NINJ2: variants seen among roughly 807,000 people sequenced by gnomAD.
The protein encoded by NINJ2 is ninjurin 2, also known as ninjurin-2.
A neutral mutation model predicts 11.7 loss-of-function variants in NINJ2; 12 were observed. The ratio of observed to expected loss-of-function variants is 1.02; its 90% CI spans 0.66 to 1.66. NINJ2 has a LOEUF of 1.66. Ranked by LOEUF, NINJ2 falls within the 40% of genes most tolerant of loss-of-function variation. NINJ2 has a pLI of 0.00. For missense variants in NINJ2, 187 were observed against 181.8 expected, an observed-to-expected ratio of 1.03 and a Z score of -0.16; for synonymous variants, 93 against 76.8, an observed-to-expected ratio of 1.21 and a Z score of -1.10.
At position 609,789 on chromosome 12, in the gene NINJ2, A is replaced by AAAAAAAAAAAAAAG. The variant is rs71439346; in HGVS notation, c.34-43612_34-43611insCTTTTTTTTTTTTT. Among the ~76,000 whole-genome samples, 689 of 116,444 alleles carry AAAAAAAAAAAAAAG rather than the reference A, an allele frequency of 5.9e-3. 61 individuals carry two copies. The highest frequency in any genetic ancestry group is 0.01 in the Admixed American group (110 of 10,654). The allele number at this position is 116,444 out of a possible 152,430, so 76.4% of individuals were successfully genotyped here. ...CTGCCTCAAAAAAAAAAAAAAAAAT[A>AAAAAAAAAAAAAAG]GGGAAAACAACAACAGCAGCAATAG... On this transcript the variant is annotated intron_variant, in intron 1 of 3. Coordinates refer to ENST00000305108, the MANE Select transcript of NINJ2 (RefSeq NM_016533.6).
intron 1 of NINJ2, among the ~76,000 whole-genome samples, chr12:611,242 T>TC (rs945980795): frequency 2.7e-5 from 3 of 112,530 alleles, no homozygotes; most frequent in African/African-American, 1.1e-4. Context: ...TTTCTTTCTT[T>TC]CTTTCTCTCT....
Position 585,034 on chromosome 12 carries a change from A to T in NINJ2, c.34-18856T>A, listed in dbSNP as rs1392011857. ...CTTGGGAGGCTGAGGCAGGAGAATC[A>T]CTTGAACCGGGGAGGCGGAGGTTGA... On this transcript the variant is annotated intron_variant, in intron 1 of 3. Transcript: ENST00000305108. This position sits in a 1 kb window ranked among gnomAD's most constrained non-coding sequence, Gnocchi z 4.1. Among the ~76,000 whole-genome samples the T allele has an allele frequency of 3.9e-5, 6 of 152,120 alleles. No individual in the cohort carries two copies. The highest frequency in any genetic ancestry group is 7.2e-5 in the African/African-American group (3 of 41,430).
chr12:582,394 A>T (rs112436081), intron 1 of NINJ2, among the ~76,000 whole-genome samples: 220 of 102,450 alleles, frequency 2.1e-3, no homozygotes, highest in East Asian at 3.2e-3. Flanking sequence ...GGCATGCTAG[A>T]GTGAATGAAT....
chr12:660,391 A>C (rs1937942455), intron 1 of NINJ2, among the ~76,000 whole-genome samples: 4 of 149,660 alleles, frequency 2.7e-5, no homozygotes, highest in African/African-American at 9.8e-5. Context: ...GAGTCTCAAA[A>C]GTGCAGTGGC....
At chr12:654,521 CAAAAAAAAA>C (rs72488352) in intron 1 of NINJ2, among the ~76,000 whole-genome samples, 2 of 98,608 alleles carry the variant, frequency 2.0e-5, no homozygotes, top group South Asian at 3.1e-4. Flanking sequence ...AACTCCGTCT[CAAAAAAAAA>C]AAAAAAAAAG....
intron 1 of NINJ2, among the ~76,000 whole-genome samples, chr12:659,217 A>G (rs1331582446): frequency 6.6e-6 from 1 of 151,968 alleles, no homozygotes; most frequent in African/African-American, 2.4e-5. Context: ...ATCTCGCTCT[A>G]CTTAACCTGA....
At chr12:592,018 G>A (rs1947723482) in intron 1 of NINJ2, among the ~76,000 whole-genome samples, 1 of 151,868 alleles carries the variant, frequency 6.6e-6, no homozygotes, top group South Asian at 2.1e-4. Context: ...CCGCCAGGCT[G>A]TAGCCAAACG....
intron 1 of NINJ2, among the ~76,000 whole-genome samples, chr12:637,361 G>C (rs1207035325): frequency 1.4e-5 from 2 of 140,198 alleles, no homozygotes; most frequent in East Asian, 4.3e-4. Flanking sequence ...AAAAAAGAAG[G>C]CTGGGCATGG....
chr12:589,116 T>C (rs1947684225), intron 1 of NINJ2, among the ~76,000 whole-genome samples: 1 of 152,206 alleles, frequency 6.6e-6, no homozygotes, highest in South Asian at 2.1e-4. Flanking sequence ...TTATTGATAA[T>C]GTCAAAAACT....
Position 628,143 on chromosome 12 carries a change from C to G in NINJ2, c.33+35185G>C, listed in dbSNP as rs572719222. ...GCCAGAGCCTGCAGGATCCCTGCAC[C>G]GCTTTACTGGATCCCCAGGTTGAGC... On this transcript the variant is annotated intron_variant, in intron 1 of 3. Transcript: ENST00000305108. The surrounding 1 kb of genome is among the most constrained non-coding windows in gnomAD (Gnocchi z 4.4). Among the ~76,000 whole-genome samples the G allele has an allele frequency of 6.6e-6, 1 of 152,162 alleles. No homozygotes were observed. Among genetic ancestry groups the G allele is most frequent in the Non-Finnish European group, 1.5e-5 (1 of 68,004 alleles).
intron 1 of NINJ2, chr12:610,445 AGGTCAGCCTGGTGGCTGAGAGGAAAAG>A: frequency 6.5e-7 from 1 of 1,535,302 alleles, no homozygotes; most frequent in South Asian, 1.2e-5. Flanking sequence ...ACGGAAAATG[AGGTCAGCCTGGTGGCTGAGAGGAAAAG>A]GGTCAGCGAG....
chr12:596,195 A>C (rs1947782999), intron 1 of NINJ2, among the ~76,000 whole-genome samples: 1 of 152,252 alleles, frequency 6.6e-6, no homozygotes. Flanking sequence ...GTTCACACAA[A>C]AATCTGCACA....
chr12:648,590 CAGAT>C (rs776769447), intron 1 of NINJ2, among the ~76,000 whole-genome samples: 5 of 152,176 alleles, frequency 3.3e-5, no homozygotes, highest in East Asian at 1.9e-4. Context: ...CCTGGGCTCT[CAGAT>C]AGAGGTCCAG....
chr12:644,667 C>G (rs1208745495), intron 1 of NINJ2: 2 of 152,040 alleles, frequency 1.3e-5, no homozygotes, highest in East Asian at 3.8e-4. Context: ...TCCTGAAGGT[C>G]CCAAGTATTT....
chr12:578,026 C>T (rs949888734), intron 1 of NINJ2, among the ~76,000 whole-genome samples: 1 of 152,204 alleles, frequency 6.6e-6, no homozygotes, highest in East Asian at 1.9e-4. Context: ...AGCCCGGCCC[C>T]ATACCCTGGG....
intron 1 of NINJ2, among the ~76,000 whole-genome samples, chr12:606,198 C>T (rs1410277469): frequency 6.6e-6 from 1 of 151,132 alleles, no homozygotes. Context: ...AAGGAATATT[C>T]GGAAACCAAA....
intron 1 of NINJ2, among the ~76,000 whole-genome samples, chr12:634,629 T>C (rs1456911600): frequency 6.6e-6 from 1 of 152,100 alleles, no homozygotes; most frequent in Non-Finnish European, 1.5e-5. Context: ...CAATCCTGAC[T>C]TGCATCCTCT....
chr12:657,219 G>A (rs901345143), intron 1 of NINJ2, among the ~76,000 whole-genome samples: 1 of 152,184 alleles, frequency 6.6e-6, no homozygotes, highest in Non-Finnish European at 1.5e-5. Context: ...GCCACAGACT[G>A]GGAGAAAATA....
intron 1 of NINJ2, chr12:644,591 CG>C (rs1937646653): frequency 6.6e-6 from 1 of 152,148 alleles, no homozygotes; most frequent in South Asian, 2.1e-4. Flanking sequence ...GGCAGGGGGA[CG>C]GGGCCTGCAC....
Sources: gnomAD v4.1 joint callset for allele counts (sites outside exome capture counted in the v4.1 genomes callset) on GRCh38, gnomAD v4.1.1 for gene constraint, Gnocchi (gnomAD v3.1) non-coding constraint, MANE v1.5 for transcripts, NCBI Gene and HGNC (gene_info 2026-07-23, HGNC 2026-07-21) for gene names.